The following GUCA1C variants were observed in gnomAD, a reference collection of about 807,000 sequenced individuals.
GUCA1C encodes guanylate cyclase activator 1C.
A neutral mutation model predicts 16.2 loss-of-function variants in GUCA1C; 15 were observed. The observed-to-expected ratio is 0.93, with a 90% CI of 0.62 to 1.43. The LOEUF (loss-of-function observed/expected upper bound fraction) is 1.43. Among genes scored for constraint, GUCA1C ranks in the 40% most tolerant of loss-of-function variants. The pLI, the probability that GUCA1C is intolerant of heterozygous loss-of-function variation, is 0.00. For missense variants in GUCA1C, 275 were observed against 244.8 expected, an observed-to-expected ratio of 1.12 and a Z score of -0.82; for synonymous variants, 78 against 85.4, an observed-to-expected ratio of 0.91 and a Z score of 0.48.
At chr3:108,921,352 A>G (rs1210446958) in intron 1 of GUCA1C, among the ~76,000 whole-genome samples, 4 of 152,132 alleles carry the variant, frequency 2.6e-5, no homozygotes, top group African/African-American at 9.7e-5. Flanking sequence ...CACTTCCTGC[A>G]GGACATTTTG....
intron 1 of GUCA1C, among the ~76,000 whole-genome samples, chr3:108,922,228 T>C (rs1442104873): frequency 2.0e-5 from 3 of 152,004 alleles, no homozygotes; most frequent in African/African-American, 4.8e-5. Context: ...ATTTTCTTTA[T>C]CCACTCATTG....
intron 1 of GUCA1C, among the ~76,000 whole-genome samples, chr3:108,946,947 T>C (rs1343316209): frequency 2.7e-5 from 4 of 148,298 alleles, no homozygotes; most frequent in Non-Finnish European, 5.9e-5. Flanking sequence ...GTCCACAGAC[T>C]GGGTATTAGA....
At chr3:108,909,045 C>T (rs1005233390) in intron 3 of GUCA1C, among the ~76,000 whole-genome samples, 1 of 152,250 alleles carries the variant, frequency 6.6e-6, no homozygotes, top group Non-Finnish European at 1.5e-5. Flanking sequence ...GGAGAAAGTA[C>T]ATTCAAGGAA....
intron 2 of GUCA1C, among the ~76,000 whole-genome samples, chr3:108,918,963 G>A (rs1946545727): frequency 6.6e-6 from 1 of 151,966 alleles, no homozygotes; most frequent in South Asian, 2.1e-4. Context: ...CTTAATAATT[G>A]TTTTTCCTGA....
chr3:108,954,194 T>G (rs1946927542), upstream of GUCA1C, among the ~76,000 whole-genome samples: 1 of 152,230 alleles, frequency 6.6e-6, no homozygotes, highest in Non-Finnish European at 1.5e-5. Context: ...ATTACTTACA[T>G]TCTCGTGTTT....
Position 108,939,324 on chromosome 3 carries a change from CTTT to C in GUCA1C, c.204+14232_204+14234del, listed in dbSNP as rs549981150. ...TGTTAATATATTACTTGCTTCAAGG[CTTT>C]TTTTTTTTTTTTTTTTTTTTTTGAG... On this transcript the variant is annotated intron_variant, in intron 1 of 3. Transcript: ENST00000261047. Among the ~76,000 whole-genome samples, 154 of 32,866 alleles carry C rather than the reference CTTT, an allele frequency of 4.7e-3. No individual in the cohort carries two copies. The East Asian group carries it at 0.067, about 14-fold the overall frequency. The allele number at this position is 32,866 out of a possible 152,430, so 21.6% of individuals were successfully genotyped here.
At chr3:108,953,890 C>T (rs762673242), upstream of GUCA1C, 132 of 639,418 alleles carry the variant, frequency 2.1e-4, no homozygotes, top group Non-Finnish European at 3.3e-4. Context: ...AAACCTCTTA[C>T]AGCAACAAGC....
intron 3 of GUCA1C, among the ~76,000 whole-genome samples, chr3:108,910,464 C>G (rs942869573): frequency 1.3e-5 from 2 of 150,430 alleles, no homozygotes; most frequent in African/African-American, 4.9e-5. Flanking sequence ...CGCCACTGCA[C>G]TCCAGCCTGG....
In GUCA1C at chr3:108,952,331, C is replaced by T. The variant is rs1576559918; in HGVS notation, c.204+1228G>A. Among the ~76,000 whole-genome samples the T allele has an allele frequency of 5.3e-5, 8 of 152,282 alleles. 2 individuals are homozygous for T. The highest frequency in any genetic ancestry group is 5.2e-4 in the Admixed American group (8 of 15,300). ...AAAAGCGGAATCTGTCACATTTTCC[C>T]ACTGATTTGTCAGCTCCTTGAAGAT... On this transcript the variant is annotated intron_variant, in intron 1 of 3. Transcript: ENST00000261047.
In GUCA1C at chr3:108,936,186, C is replaced by T. The variant is rs1417947437; in HGVS notation, c.205-15601G>A. Among the ~76,000 whole-genome samples the T allele has an allele frequency of 4.0e-5, 6 of 151,894 alleles. 1 individual carries two copies. The highest frequency in any genetic ancestry group is 1.5e-4 in the African/African-American group (6 of 41,364). On this transcript the variant is annotated intron_variant, in intron 1 of 3. Coordinates refer to ENST00000261047, the MANE Select transcript of GUCA1C (RefSeq NM_005459.4). ...TTGAAGTGAAAGGATCACCTGAGCC[C>T]GGGAGTTGGAGGTTGAGATGAGCTG...
intron 2 of GUCA1C, among the ~76,000 whole-genome samples, chr3:108,918,520 C>T (rs1159487803): frequency 1.3e-5 from 2 of 152,194 alleles, no homozygotes; most frequent in African/African-American, 2.4e-5. Context: ...CAGGATACAA[C>T]CACATCTCAA....
intron 1 of GUCA1C, among the ~76,000 whole-genome samples, chr3:108,935,126 A>G (rs558689875): frequency 2.9e-4 from 44 of 151,926 alleles, no homozygotes; most frequent in African/African-American, 1.0e-3. Context: ...TCTTGCTCTT[A>G]AGTAGGAGCT....
At chr3:108,940,176 A>G (rs1421424187) in intron 1 of GUCA1C, among the ~76,000 whole-genome samples, 2 of 152,248 alleles carry the variant, frequency 1.3e-5, no homozygotes, top group Non-Finnish European at 2.9e-5. Context: ...CCATGCTAGT[A>G]GCTCTGAACC....
chr3:108,933,484 ATATTG>A (rs1946691399), intron 1 of GUCA1C, among the ~76,000 whole-genome samples: 2 of 152,178 alleles, frequency 1.3e-5, no homozygotes. Context: ...GCTCCATTAT[ATATTG>A]TGAATCGTTT....
At chr3:108,935,387 A>G (rs989111798) in intron 1 of GUCA1C, among the ~76,000 whole-genome samples, 1 of 152,088 alleles carries the variant, frequency 6.6e-6, no homozygotes, top group African/African-American at 2.4e-5. Flanking sequence ...GCACATTTTT[A>G]TATCTATAAA....
chr3:108,946,515 C>T (rs561345936), intron 1 of GUCA1C, among the ~76,000 whole-genome samples: 1 of 152,200 alleles, frequency 6.6e-6, no homozygotes, highest in African/African-American at 2.4e-5. Flanking sequence ...TTAGTAATTG[C>T]CTCATTGTAA....
At chr3:108,926,254 C>T (rs1036641494) in intron 1 of GUCA1C, among the ~76,000 whole-genome samples, 1 of 152,162 alleles carries the variant, frequency 6.6e-6, no homozygotes, top group South Asian at 2.1e-4. Context: ...CTCCTGCTCG[C>T]TTTTGGTGTT....
At chr3:108,948,325 T>C (rs1410446287) in intron 1 of GUCA1C, among the ~76,000 whole-genome samples, 1 of 152,140 alleles carries the variant, frequency 6.6e-6, no homozygotes, top group Non-Finnish European at 1.5e-5. Context: ...GCCCTCTCTC[T>C]CCCGCCACCA....
At chr3:108,947,255 A>G (rs1464230631) in intron 1 of GUCA1C, among the ~76,000 whole-genome samples, 3 of 152,208 alleles carry the variant, frequency 2.0e-5, no homozygotes, top group African/African-American at 4.8e-5. Flanking sequence ...AATAATACGG[A>G]AGAGAAAATA....
Sources: gnomAD v4.1 joint callset for allele counts (sites outside exome capture counted in the v4.1 genomes callset) on GRCh38, gnomAD v4.1.1 for gene constraint, MANE v1.5 for transcripts, NCBI Gene and HGNC (gene_info 2026-07-23, HGNC 2026-07-21) for gene names.